Variants in CDCP2 observed in about 807,000 individuals in gnomAD.
CDCP2 encodes CUB domain-containing protein 2.
A neutral mutation model predicts 31.0 loss-of-function variants in CDCP2; 31 were observed. The ratio of observed to expected loss-of-function variants is 1.00; its 90% CI spans 0.75 to 1.35. CDCP2 has a LOEUF of 1.35. CDCP2 is among the 40% of genes most tolerant of loss of function. The pLI is 0.00. For synonymous variants in CDCP2, 206 were observed against 207.9 expected, an observed-to-expected ratio of 0.99 and a Z score of 0.08; for missense variants, 443 against 482.6, an observed-to-expected ratio of 0.92 and a Z score of 0.77.
chr1:54,139,242 T>G, intron 4 of CDCP2: 1 of 386,730 alleles, frequency 2.6e-6, no homozygotes, highest in Non-Finnish European at 4.6e-6. Context: ...AGAGATAACA[T>G]TTGGAACAGT....
intron 1 of CDCP2, among the ~76,000 whole-genome samples, chr1:54,148,965 TAAA>T (rs57570905): frequency 3.3e-5 from 4 of 119,998 alleles, no homozygotes; most frequent in African/African-American, 1.2e-4. Flanking sequence ...ATGAATTGTT[TAAA>T]AAAAAAATAT....
At chr1:54,141,306 C>T (rs765203888) in exon 3 of CDCP2, 3 of 1,614,254 alleles carry the variant, frequency 1.9e-6, no homozygotes, top group Non-Finnish European at 8.5e-7. Context: ...CCACGAACAC[C>T]AGCTTGACGT....
At chr1:54,133,712 C>T (rs564563808) in intron 5 of CDCP2, among the ~76,000 whole-genome samples, 2,139 of 152,050 alleles carry the variant, frequency 0.014, 29 homozygotes, top group Non-Finnish European at 0.02. Context: ...CTGACTAACA[C>T]CATGAAACCC....
At chr1:54,145,463 A>G (rs1171316328) in intron 1 of CDCP2, among the ~76,000 whole-genome samples, 3 of 152,126 alleles carry the variant, frequency 2.0e-5, no homozygotes, top group Non-Finnish European at 2.9e-5. Flanking sequence ...AAATACATAT[A>G]TAGTATATGA....
chr1:54,134,319 G>C (rs1035341926), intron 5 of CDCP2, among the ~76,000 whole-genome samples: 1 of 152,234 alleles, frequency 6.6e-6, no homozygotes, highest in Non-Finnish European at 1.5e-5. Context: ...AGGGACAGCA[G>C]CCTAGTGTTG....
exon 3 of CDCP2, chr1:54,141,124 C>A: frequency 1.3e-6 from 2 of 1,537,102 alleles, no homozygotes; most frequent in South Asian, 2.6e-5. Context: ...CTTGAAGCCA[C>A]GGCCTCCGAT....
At chr1:54,144,799 C>A (rs1342573107) in exon 2 of CDCP2, 1 of 1,610,432 alleles carries the variant, frequency 6.2e-7, no homozygotes, top group African/African-American at 1.3e-5. Flanking sequence ...GAGAGCACAC[C>A]CCCACATTTG....
rs745676435 is a variant in CDCP2 at position 54,141,444 on chromosome 1, G to A, written c.428-11C>T. Reference sequence around the variant, plus strand: ...CGCCGCCACACACATCTGCAAGGGAGCCCACTTGAGCTGACCTTTCTTTCT... The same window carrying A: ...CGCCGCCACACACATCTGCAAGGGAACCCACTTGAGCTGACCTTTCTTTCT... On this transcript the variant is annotated splice_polypyrimidine_tract_variant and intron_variant, in intron 2 of 5. Coordinates refer to ENST00000530059, the Ensembl canonical transcript of CDCP2. 2 of 1,574,818 alleles carry A rather than the reference G, an allele frequency of 1.3e-6. No individual in the cohort carries two copies. The highest frequency in any genetic ancestry group is 3.7e-5 in the Admixed American group (2 of 54,638).
Position 54,141,883 on chromosome 1 carries a change from C to T in CDCP2, c.428-450G>A, listed in dbSNP as rs143520456. 882 of 157,884 alleles carry T rather than the reference C, an allele frequency of 5.6e-3. 3 individuals carry two copies. Among genetic ancestry groups the T allele is most frequent in the Non-Finnish European group, 8.0e-3 (569 of 71,442 alleles). 9.8% of individuals were successfully genotyped at this position (157,884 alleles called of 1,614,324 possible). On this transcript the variant is annotated intron_variant, in intron 2 of 5. Transcript: ENST00000530059. ...CTGACCTTGGGGGGAACTCTGGGGACGGGGTAAAGCACATACTTCAGAGTT... is the reference window on the plus strand; with the variant it reads ...CTGACCTTGGGGGGAACTCTGGGGATGGGGTAAAGCACATACTTCAGAGTT...
At chr1:54,149,216 G>C (rs902943556) in intron 1 of CDCP2, among the ~76,000 whole-genome samples, 4 of 151,446 alleles carry the variant, frequency 2.6e-5, no homozygotes, top group East Asian at 1.9e-4. Flanking sequence ...GGGTGACAGA[G>C]AGAGACCTTG....
At chr1:54,137,165 T>C (rs913812) in intron 4 of CDCP2, among the ~76,000 whole-genome samples, 123,638 of 152,146 alleles carry the variant, frequency 0.81, 50,874 homozygotes, top group East Asian at 0.98. Flanking sequence ...GGCAATTCAT[T>C]CAATTATTTA....
exon 6 of CDCP2, chr1:54,133,262 C>T: frequency 2.5e-6 from 1 of 399,174 alleles, no homozygotes; most frequent in Non-Finnish European, 4.4e-6. Flanking sequence ...CGATGTACAG[C>T]ACGCTGACAA....
chr1:54,145,946 T>C (rs1659460358), intron 1 of CDCP2, among the ~76,000 whole-genome samples: 1 of 152,338 alleles, frequency 6.6e-6, no homozygotes, highest in East Asian at 1.9e-4. Context: ...CACAGTCACA[T>C]GAGGAAAAAT....
upstream of CDCP2, chr1:54,152,943 C>A: frequency 1.2e-6 from 2 of 1,613,422 alleles, no homozygotes; most frequent in Non-Finnish European, 1.7e-6. Flanking sequence ...GGGGCCCCCA[C>A]AGGTCTGCCG....
chr1:54,145,499 GC>G (rs1340023115), intron 1 of CDCP2, among the ~76,000 whole-genome samples: 2 of 152,076 alleles, frequency 1.3e-5, no homozygotes, highest in Non-Finnish European at 2.9e-5. Flanking sequence ...TGGAGAAAAA[GC>G]AAGCCAGGAA....
chr1:54,136,033 C>T (rs1302590304), intron 5 of CDCP2, among the ~76,000 whole-genome samples: 1 of 152,162 alleles, frequency 6.6e-6, no homozygotes, highest in Non-Finnish European at 1.5e-5. Flanking sequence ...TCTGGGTTCA[C>T]GGCCTCCAAA....
chr1:54,149,616 C>G (rs1659540999), intron 1 of CDCP2, among the ~76,000 whole-genome samples: 2 of 152,252 alleles, frequency 1.3e-5, no homozygotes, highest in African/African-American at 4.8e-5. Flanking sequence ...CTCTCCCCAG[C>G]CCATGCTCCT....
intron 1 of CDCP2, 61 bp downstream of exon 1, chr1:54,152,783 C>G (rs2100436980): frequency 6.7e-7 from 1 of 1,501,422 alleles, no homozygotes; most frequent in Non-Finnish European, 9.2e-7. Context: ...TCTTGAGCCC[C>G]TGGCTGTTGC....
intron 1 of CDCP2, among the ~76,000 whole-genome samples, chr1:54,150,463 C>T (rs143841090): frequency 4.6e-5 from 7 of 152,006 alleles, no homozygotes; most frequent in African/African-American, 7.2e-5. Flanking sequence ...GGCATGTTGG[C>T]GGGAGTCTGT....
Sources: gnomAD v4.1 joint callset for allele counts (sites outside exome capture counted in the v4.1 genomes callset) on GRCh38, gnomAD v4.1.1 for gene constraint, MANE v1.5 for transcripts, NCBI Gene and HGNC (gene_info 2026-07-23, HGNC 2026-07-21) for gene names.